The following FAM53B variants were observed in gnomAD, a reference collection of about 807,000 sequenced individuals.
The protein encoded by FAM53B is family with sequence similarity 53 member B.
A neutral mutation model predicts 32.7 loss-of-function variants in FAM53B; 12 were observed. The observed-to-expected ratio is 0.37, with a 90% CI of 0.24 to 0.59. The LOEUF (loss-of-function observed/expected upper bound fraction) is 0.59, where lower values mean the gene tolerates loss of function less well. Ranked by LOEUF, FAM53B falls within the 20% of genes least tolerant of loss-of-function variation. The probability of loss-of-function intolerance (pLI) is 0.72; values close to 1 mark genes in which losing one functional copy is unlikely to be tolerated. For missense variants in FAM53B, 477 were observed against 577.7 expected, an observed-to-expected ratio of 0.83 and a Z score of 1.79; for synonymous variants, 234 against 228.7, an observed-to-expected ratio of 1.02 and a Z score of -0.21.
chr10:124,641,253 T>C (rs893618595), intron 4 of FAM53B, among the ~76,000 whole-genome samples: 1 of 152,222 alleles, frequency 6.6e-6, no homozygotes, highest in Non-Finnish European at 1.5e-5. Flanking sequence ...TGTTGCAGTT[T>C]CTACAGTGAC....
At position 124,682,413 on chromosome 10, in the gene FAM53B, T is replaced by G. The variant is rs781409822; in HGVS notation, c.134-34A>C. 1 of 1,553,796 alleles carries G rather than the reference T, an allele frequency of 6.4e-7. No homozygotes were observed. The highest frequency in any genetic ancestry group is 2.3e-5 in the East Asian group (1 of 44,254). ...TAAATGACAAGGAGAAAACAGGATT[T>G]GAGAAGACCTTCACTCCAGCCCTTT... On this transcript the variant is annotated intron_variant, in intron 3 of 4. Transcript: ENST00000337318. This position sits in a 1 kb window ranked among gnomAD's most constrained non-coding sequence, Gnocchi z 5.2.
At chr10:124,659,582 G>T (rs1361806331) in intron 4 of FAM53B, among the ~76,000 whole-genome samples, 4 of 152,240 alleles carry the variant, frequency 2.6e-5, no homozygotes, top group Non-Finnish European at 5.9e-5. Context: ...GCCTAACTTT[G>T]AGGTGGGGCA....
At chr10:124,700,323 C>A (rs1949906837) in intron 2 of FAM53B, among the ~76,000 whole-genome samples, 1 of 152,344 alleles carries the variant, frequency 6.6e-6, no homozygotes, top group South Asian at 2.1e-4. Context: ...CTTTGAACCT[C>A]CTGCACCCAC....
chr10:124,730,785 A>G (rs1950137590), intron 1 of FAM53B, among the ~76,000 whole-genome samples: 1 of 152,252 alleles, frequency 6.6e-6, no homozygotes, highest in African/African-American at 2.4e-5. Context: ...ACATGAGGCT[A>G]CAGCTAACAT....
At chr10:124,643,059 T>TAAAG (rs1949487418) in intron 4 of FAM53B, among the ~76,000 whole-genome samples, 1 of 152,112 alleles carries the variant, frequency 6.6e-6, no homozygotes, top group Non-Finnish European at 1.5e-5. Flanking sequence ...GAGATGATCT[T>TAAAG]AAAGAAAGAA....
chr10:124,669,913 GGGTGGGTGAGGATTAC>G (rs1429527247), intron 4 of FAM53B, among the ~76,000 whole-genome samples: 3 of 6,772 alleles, frequency 4.4e-4, no homozygotes, highest in Non-Finnish European at 2.3e-3. Context: ...AAGGACCATA[GGGTGGGTGAGGATTAC>G]AGGGTGGGTG....
chr10:124,714,216 A>C (rs543220010), intron 1 of FAM53B: 8 of 152,180 alleles, frequency 5.3e-5, no homozygotes, highest in Admixed American at 5.2e-4. Context: ...AAGTCATCTG[A>C]GTCTAAAGGA....
chr10:124,625,039 C>A (rs558081958), intron 4 of FAM53B, among the ~76,000 whole-genome samples: 3 of 152,226 alleles, frequency 2.0e-5, no homozygotes, highest in Non-Finnish European at 4.4e-5. Context: ...CCTCCCTCGC[C>A]GCACGCCTGC....
At chr10:124,673,149 C>A (rs1268783823) in intron 4 of FAM53B, among the ~76,000 whole-genome samples, 1 of 152,148 alleles carries the variant, frequency 6.6e-6, no homozygotes, top group Non-Finnish European at 1.5e-5. Flanking sequence ...ACTGCCCCCA[C>A]CCTTGTCTAG....
intron 1 of FAM53B, among the ~76,000 whole-genome samples, chr10:124,728,951 C>G (rs531104192): frequency 6.6e-6 from 1 of 152,238 alleles, no homozygotes; most frequent in East Asian, 1.9e-4. Context: ...TCAAGCCAGG[C>G]TCTAGCCCAT....
intron 3 of FAM53B, among the ~76,000 whole-genome samples, chr10:124,687,142 C>A (rs556559600): frequency 6.6e-6 from 1 of 152,126 alleles, no homozygotes; most frequent in Non-Finnish European, 1.5e-5. Flanking sequence ...GAACAGAAAG[C>A]GATTTGTTGG....
At chr10:124,693,161 T>G (rs1162607277) in intron 3 of FAM53B, among the ~76,000 whole-genome samples, 2 of 152,104 alleles carry the variant, frequency 1.3e-5, no homozygotes, top group Non-Finnish European at 2.9e-5. Context: ...CCTCAGAGTA[T>G]TCTCTTCCCC....
chr10:124,657,138 A>ATGTG (rs1362711800), intron 4 of FAM53B, among the ~76,000 whole-genome samples: 114 of 144,928 alleles, frequency 7.9e-4, no homozygotes, highest in Non-Finnish European at 1.3e-3. Flanking sequence ...GTGTGTATAT[A>ATGTG]CATATATATG....
At chr10:124,630,833 C>T (rs940194135) in intron 4 of FAM53B, among the ~76,000 whole-genome samples, 7 of 152,208 alleles carry the variant, frequency 4.6e-5, no homozygotes, top group Admixed American at 3.9e-4. Flanking sequence ...GTGTACTGAG[C>T]GCCTGCCACA....
chr10:124,674,572 G>C (rs533353676), intron 4 of FAM53B, among the ~76,000 whole-genome samples: 1 of 152,182 alleles, frequency 6.6e-6, no homozygotes, highest in Admixed American at 6.5e-5. Context: ...CTGTCTCCTC[G>C]TCTCAGCCCA....
intron 2 of FAM53B, among the ~76,000 whole-genome samples, chr10:124,700,220 G>C (rs1197608857): frequency 6.6e-6 from 1 of 152,210 alleles, no homozygotes; most frequent in East Asian, 1.9e-4. Context: ...CTTGGCTCTA[G>C]GTTGGCCAGG....
chr10:124,640,817 C>A (rs1949465701), intron 4 of FAM53B, among the ~76,000 whole-genome samples: 1 of 152,118 alleles, frequency 6.6e-6, no homozygotes, highest in Admixed American at 6.5e-5. Context: ...TGCAATACAG[C>A]CCCGAGCGCA....
At chr10:124,637,592 G>A (rs1013718208) in intron 4 of FAM53B, among the ~76,000 whole-genome samples, 5 of 152,230 alleles carry the variant, frequency 3.3e-5, no homozygotes, top group South Asian at 2.1e-4. Flanking sequence ...GATGTCCCAC[G>A]CTCCTCTCAG....
chr10:124,717,608 G>GTA (rs1473218948), intron 1 of FAM53B, among the ~76,000 whole-genome samples: 6 of 152,208 alleles, frequency 3.9e-5, no homozygotes, highest in African/African-American at 1.4e-4. Flanking sequence ...TCTTCCAATG[G>GTA]GTGGGACCGA....
Sources: allele counts gnomAD v4.1 joint callset (sites outside exome capture counted in the v4.1 genomes callset), GRCh38; gene constraint gnomAD v4.1.1; non-coding constraint Gnocchi (gnomAD v3.1); transcripts MANE v1.5; gene names NCBI Gene and HGNC (gene_info 2026-07-23, HGNC 2026-07-21).